Variants in VNN1 observed in about 807,000 individuals in gnomAD.
VNN1 encodes vanin 1.
Under a neutral mutation model 41.9 loss-of-function variants are expected in VNN1, and 29 were observed. The ratio of observed to expected loss-of-function variants is 0.69; its 90% confidence interval spans 0.52 to 0.94. The LOEUF (loss-of-function observed/expected upper bound fraction) is 0.94. VNN1 is among the 40% of genes least tolerant of loss of function. VNN1 has a pLI of 0.00. For synonymous variants in VNN1, 233 were observed against 224.4 expected (o/e 1.04, Z -0.34); for missense variants, 637 against 621.1 (o/e 1.03, Z -0.27).
chr6:132,705,723 A>C (rs968322753), intron 2 of VNN1, among the ~76,000 whole-genome samples: 1 of 152,112 alleles, frequency 6.6e-6, no homozygotes, highest in Non-Finnish European at 1.5e-5. Flanking sequence ...AAGGAGGAAA[A>C]TTATTTTTGT....
intron 2 of VNN1, among the ~76,000 whole-genome samples, chr6:132,704,545 T>C (rs6938355): frequency 0.47 from 70,742 of 151,890 alleles, 18,532 homozygotes; most frequent in African/African-American, 0.71. Context: ...TCAAAACTTA[T>C]GGGATACAGC....
chr6:132,686,792 G>A (rs139985649), intron 5 of VNN1, among the ~76,000 whole-genome samples: 285 of 152,252 alleles, frequency 1.9e-3, no homozygotes, highest in Non-Finnish European at 2.8e-3. Flanking sequence ...AAGGAAGCAG[G>A]GGGGAGGAGC....
chr6:132,707,252 G>C (rs1235014828), intron 2 of VNN1, among the ~76,000 whole-genome samples: 1 of 144,338 alleles, frequency 6.9e-6, no homozygotes, highest in East Asian at 2.0e-4. Context: ...CAAATCAAAA[G>C]TACAATTATA....
chr6:132,691,899 T>A (rs1480142371), intron 5 of VNN1, among the ~76,000 whole-genome samples: 2 of 152,000 alleles, frequency 1.3e-5, no homozygotes, highest in Non-Finnish European at 2.9e-5. Context: ...TCCCAGCTAC[T>A]TGGGAGGCTG....
At chr6:132,711,073 G>A (rs904285339) in intron 2 of VNN1, among the ~76,000 whole-genome samples, 35 of 152,234 alleles carry the variant, frequency 2.3e-4, no homozygotes, top group Middle Eastern at 3.4e-3. Context: ...TCTAACTGGC[G>A]TTGTGCGGTT....
rs1343367540 is a variant in VNN1, at chr6:132,713,828, G to C, written c.208C>G (p.Gln70Glu). 6 of 1,612,610 alleles carry C rather than the reference G, an allele frequency of 3.7e-6. No individual in the cohort carries two copies. The highest frequency in any genetic ancestry group is 5.1e-6 in the Non-Finnish European group (6 of 1,179,984). Residue 70 changes from glutamine to glutamate, a missense_variant and splice_region_variant, in exon 1 of 7, where the codon CAG becomes GAG. Transcript: ENST00000367928. ...TGGAGAGATGGTAGAGATGGTACCT[G>C]ATCTGCTGCTGATGTGATCGCTCCT... is the stretch of plus-strand genomic sequence containing the variant. ...LEGAITSAAD[Q>E]GAHIIVTPED...
intron 2 of VNN1, among the ~76,000 whole-genome samples, chr6:132,707,575 GCTACAAA>G (rs1305611896): frequency 2.0e-5 from 3 of 152,184 alleles, no homozygotes; most frequent in Non-Finnish European, 2.9e-5. Context: ...GTACTATTCA[GCTACAAA>G]AAGAATGAGA....
At chr6:132,692,942 T>C (rs369721774) in intron 4 of VNN1, 82 bp downstream of exon 4, 2 of 1,416,936 alleles carry the variant, frequency 1.4e-6, no homozygotes, top group South Asian at 3.0e-5. Context: ...TTAAGGAGTA[T>C]GCGTTAGCTA....
intron 2 of VNN1, among the ~76,000 whole-genome samples, chr6:132,700,447 C>T (rs892656818): frequency 2.0e-5 from 3 of 152,204 alleles, no homozygotes; most frequent in African/African-American, 4.8e-5. Context: ...CCACCACTAC[C>T]CCTGGCCTGT....
intron 5 of VNN1, among the ~76,000 whole-genome samples, chr6:132,687,548 T>C (rs1020831619): frequency 6.6e-6 from 1 of 152,118 alleles, no homozygotes; most frequent in Admixed American, 6.5e-5. Context: ...ATTAGAGCAA[T>C]GTGACTAGAC....
chr6:132,695,258 T>C (rs984769894), intron 2 of VNN1, among the ~76,000 whole-genome samples: 1 of 152,220 alleles, frequency 6.6e-6, no homozygotes. Flanking sequence ...ACAATTGCAC[T>C]GTTGGAATCT....
chr6:132,683,431 T>C (rs1778157558), intron 6 of VNN1, 109 bp from the exon 7 acceptor site: 1 of 994,134 alleles, frequency 1.0e-6, no homozygotes, highest in Non-Finnish European at 1.5e-6. Context: ...ACTGGCCAAA[T>C]TCCATTCTAT....
rs1425338825 is a variant in VNN1, at chr6:132,693,229, GC to G, written c.620del (p.Gly207AlafsTer18). On this transcript the variant is annotated frameshift_variant, in exon 4 of 7. Transcript: ENST00000367928. LOFTEE classifies it high-confidence loss of function. Reference sequence around the variant, plus strand: ...AGAGTATATCAAAGCATGTGAAAATGCCAAAACTTCCAAAGGTGGTATTGAA... The same window carrying G: ...AGAGTATATCAAAGCATGTGAAAATGCAAAACTTCCAAAGGTGGTATTGAA... ...VTFNTTFGSF[G>X]IFTCFDILFH... The G allele has an allele frequency of 1.2e-6, 2 of 1,614,086 alleles. No individual in the cohort carries two copies. Among genetic ancestry groups the G allele is most frequent in the Admixed American group, 3.3e-5 (2 of 60,002 alleles).
chr6:132,710,605 G>A (rs920001220), intron 2 of VNN1, among the ~76,000 whole-genome samples: 5 of 152,060 alleles, frequency 3.3e-5, no homozygotes, highest in African/African-American at 7.2e-5. Context: ...TCCCACTTAT[G>A]AGCGAGAACA....
At chr6:132,712,571 T>A (rs1273985398) in intron 1 of VNN1, among the ~76,000 whole-genome samples, 1 of 152,204 alleles carries the variant, frequency 6.6e-6, no homozygotes, top group Non-Finnish European at 1.5e-5. Flanking sequence ...ACTGTGCCTG[T>A]GTCAAGACTG....
At chr6:132,712,885 A>C (rs1235148547) in intron 1 of VNN1, among the ~76,000 whole-genome samples, 2 of 152,234 alleles carry the variant, frequency 1.3e-5, no homozygotes, top group East Asian at 3.8e-4. Context: ...CTGTAATCCC[A>C]GCACTTTGGG....
chr6:132,700,098 T>C (rs1040575913), intron 2 of VNN1, among the ~76,000 whole-genome samples: 3 of 152,198 alleles, frequency 2.0e-5, no homozygotes, highest in African/African-American at 7.2e-5. Context: ...TTTGAAACTA[T>C]TCATATGTAA....
At chr6:132,700,360 C>A (rs576376566) in intron 2 of VNN1, among the ~76,000 whole-genome samples, 1 of 152,108 alleles carries the variant, frequency 6.6e-6, no homozygotes, top group South Asian at 2.1e-4. Context: ...TAGAGCTCTG[C>A]CCCTCAGATG....
chr6:132,699,101 A>G (rs931459959), intron 2 of VNN1: 1 of 292,770 alleles, frequency 3.4e-6, no homozygotes, highest in Non-Finnish European at 7.0e-6. Context: ...TGTAAAATCA[A>G]TAGAAGAGGA....
Sources: gnomAD v4.1 joint callset for allele counts (sites outside exome capture counted in the v4.1 genomes callset) on GRCh38, gnomAD v4.1.1 for gene constraint, MANE v1.5 for transcripts, NCBI Gene and HGNC (gene_info 2026-07-23, HGNC 2026-07-21) for gene names.